MON2: variants seen among roughly 807,000 people sequenced by gnomAD.
MON2 encodes the protein MON2 regulator of endosome-to-Golgi trafficking, also known as protein MON2 homolog.
In MON2, 84 loss-of-function variants were observed where a neutral mutation model predicts 208.6. The ratio of observed to expected loss-of-function variants is 0.40; its 90% CI spans 0.34 to 0.48. MON2 has a LOEUF of 0.48. Among genes scored for constraint, MON2 ranks in the 20% least tolerant of loss-of-function variants. The pLI is 0.59. For synonymous variants in MON2, 660 were observed against 694.0 expected, an observed-to-expected ratio of 0.95 and a Z score of 0.77; for missense variants, 1,611 against 2,015.4, an observed-to-expected ratio of 0.80 and a Z score of 3.84.
intron 12 of MON2, among the ~76,000 whole-genome samples, chr12:62,534,343 AC>A (rs2072804837): frequency 6.7e-6 from 1 of 150,260 alleles, no homozygotes; most frequent in South Asian, 2.1e-4. Context: ...ACATGGTGAA[AC>A]CCTGTCTTTA....
Position 62,575,436 on chromosome 12 carries a change from A to G in MON2, c.4515-3009A>G, listed in dbSNP as rs577858574. ...CCTTACTTAATGCCACATATGTACT[A>G]TGTTCTATAGCTGAAGTTTATCAGT... is the stretch of plus-strand genomic sequence containing the variant. On this transcript the variant is annotated intron_variant, in intron 30 of 34. Transcript: ENST00000393630. Among the ~76,000 whole-genome samples, 27 of 152,322 alleles carry G rather than the reference A, an allele frequency of 1.8e-4. 1 individual carries two copies. The highest frequency in any genetic ancestry group is 6.0e-4 in the African/African-American group (25 of 41,574).
intron 4 of MON2, among the ~76,000 whole-genome samples, chr12:62,498,665 C>T (rs887013017): frequency 6.6e-6 from 1 of 152,076 alleles, no homozygotes; most frequent in East Asian, 1.9e-4. Flanking sequence ...GAAATAAAAG[C>T]ATAACACATT....
At chr12:62,510,901 A>G (rs1278270016) in intron 8 of MON2, among the ~76,000 whole-genome samples, 3 of 152,226 alleles carry the variant, frequency 2.0e-5, no homozygotes, top group Non-Finnish European at 4.4e-5. Flanking sequence ...TAAATATTCC[A>G]CACCAGAAAA....
At chr12:62,566,094 G>T in intron 28 of MON2, 63 bp downstream of exon 28, 1 of 1,518,126 alleles carries the variant, frequency 6.6e-7, no homozygotes, top group Non-Finnish European at 9.0e-7. Context: ...ATCTTTCCCG[G>T]TTCTTGGTAG....
At chr12:62,542,057 TC>T (rs1256100241) in intron 19 of MON2, among the ~76,000 whole-genome samples, 3 of 151,572 alleles carry the variant, frequency 2.0e-5, no homozygotes, top group Non-Finnish European at 4.4e-5. Context: ...TGAGATGAGA[TC>T]CCAGTTAAAA....
intron 1 of MON2, among the ~76,000 whole-genome samples, chr12:62,470,051 C>T (rs983574118): frequency 2.0e-5 from 3 of 151,884 alleles, no homozygotes; most frequent in Non-Finnish European, 4.4e-5. Flanking sequence ...ACTACAGGTG[C>T]ATGCCACCAC....
intron 7 of MON2, among the ~76,000 whole-genome samples, chr12:62,505,624 T>A (rs1025560382): frequency 5.3e-5 from 8 of 152,024 alleles, no homozygotes; most frequent in African/African-American, 1.9e-4. Flanking sequence ...CTCACACCTG[T>A]AATCTTAGCT....
At chr12:62,540,838 A>C (rs2073199686) in intron 19 of MON2, among the ~76,000 whole-genome samples, 2 of 152,208 alleles carry the variant, frequency 1.3e-5, no homozygotes, top group Admixed American at 1.3e-4. Context: ...GGAGGCTATA[A>C]AAAGTTTATT....
intron 8 of MON2, 48 bp downstream of exon 8, chr12:62,508,528 G>A (rs766838053): frequency 7.0e-6 from 11 of 1,560,892 alleles, no homozygotes; most frequent in Non-Finnish European, 7.9e-6. Flanking sequence ...TGCATGTTGT[G>A]CCCTTTGTAA....
chr12:62,502,681 T>C (rs892040838), intron 7 of MON2, among the ~76,000 whole-genome samples: 21 of 152,170 alleles, frequency 1.4e-4, no homozygotes, highest in African/African-American at 5.1e-4. Context: ...TAGCTATGTG[T>C]TTTCACATAA....
rs1421288512 is a variant in MON2, at chr12:62,592,569, A to C, written c.4991-17A>C. The C allele has an allele frequency of 6.4e-7, 1 of 1,564,638 alleles. No individual in the cohort carries two copies. The highest frequency in any genetic ancestry group is 8.7e-7 in the Non-Finnish European group (1 of 1,143,688). On this transcript the variant is annotated splice_polypyrimidine_tract_variant and intron_variant, in intron 34 of 34. Transcript: ENST00000393630. Reference sequence around the variant, plus strand: ...TTTAATTCCACCCTTTTGAGGTTTTATACTTTTGCATTACAGTTGATGGAA... The same window carrying C: ...TTTAATTCCACCCTTTTGAGGTTTTCTACTTTTGCATTACAGTTGATGGAA...
chr12:62,544,513 G>A (rs1038077267), intron 20 of MON2, among the ~76,000 whole-genome samples: 1 of 151,988 alleles, frequency 6.6e-6, no homozygotes, highest in Admixed American at 6.6e-5. Flanking sequence ...CATTTTATTG[G>A]AATTACTTTT....
chr12:62,588,200 T>G (rs765867152), intron 34 of MON2, 44 bp downstream of exon 34: 2 of 1,327,550 alleles, frequency 1.5e-6, no homozygotes, highest in Admixed American at 2.1e-5. Context: ...AACATTTATG[T>G]TCTATTTGTG....
intron 32 of MON2, among the ~76,000 whole-genome samples, chr12:62,582,986 G>A (rs2075057857): frequency 6.6e-6 from 1 of 152,126 alleles, no homozygotes; most frequent in Non-Finnish European, 1.5e-5. Flanking sequence ...CAGTTAGGAT[G>A]ATCAAAGAGA....
chr12:62,519,601 A>C (rs1228927799), intron 8 of MON2, among the ~76,000 whole-genome samples: 1 of 152,206 alleles, frequency 6.6e-6, no homozygotes, highest in Non-Finnish European at 1.5e-5. Flanking sequence ...CGTTTTCCAA[A>C]TGTAAATGTC....
At chr12:62,565,635 C>T (rs1285319338) in intron 27 of MON2, among the ~76,000 whole-genome samples, 1 of 152,160 alleles carries the variant, frequency 6.6e-6, no homozygotes, top group Non-Finnish European at 1.5e-5. Flanking sequence ...ATATTACTCT[C>T]CAGTACATCT....
rs903745941 is a variant in MON2, at chr12:62,549,219, A to T, written c.2754-449A>T. Among the ~76,000 whole-genome samples the T allele has an allele frequency of 1.4e-4, 22 of 152,184 alleles. No individual in the cohort carries two copies. In the East Asian group the frequency reaches 4.2e-3, roughly 29 times the overall value. ...GCATGTCTTTTTTACATTTATGTAA[A>T]TGTTAAAATACTTTATGATCAATAT... On this transcript the variant is annotated intron_variant, in intron 22 of 34. Coordinates refer to ENST00000393630, the MANE Select transcript of MON2 (RefSeq NM_015026.3).
intron 2 of MON2, among the ~76,000 whole-genome samples, chr12:62,492,362 C>CTT (rs67979134): frequency 0.043 from 4,685 of 110,234 alleles, 451 homozygotes; most frequent in African/African-American, 0.12. Context: ...AGAGTTAGTT[C>CTT]TTTTTTTTTT....
intron 19 of MON2, among the ~76,000 whole-genome samples, chr12:62,540,540 T>C (rs990168806): frequency 4.0e-5 from 6 of 151,704 alleles, no homozygotes; most frequent in African/African-American, 9.7e-5. Flanking sequence ...AAGAAAAAAA[T>C]AGGAGATTTG....
Sources: gnomAD v4.1 joint callset for allele counts (sites outside exome capture counted in the v4.1 genomes callset) on GRCh38, gnomAD v4.1.1 for gene constraint, MANE v1.5 for transcripts, NCBI Gene and HGNC (gene_info 2026-07-23, HGNC 2026-07-21) for gene names.